The following DCHS1 variants were observed in gnomAD, a reference collection of about 807,000 sequenced individuals.
DCHS1 encodes the protein dachsous cadherin-related 1.
Under a neutral mutation model 213.9 loss-of-function variants are expected in DCHS1, and 78 were observed. That is an observed-to-expected ratio of 0.36 (90% confidence interval 0.30 to 0.44). DCHS1 has a LOEUF of 0.44. DCHS1 is among the 20% of genes least tolerant of loss of function. The pLI is 1.00. For synonymous variants in DCHS1, 1,828 were observed against 1,873.7 expected, an observed-to-expected ratio of 0.98 and a Z score of 0.63; for missense variants, 3,946 against 4,395.9, an observed-to-expected ratio of 0.90 and a Z score of 2.89.
At position 6,621,395 on chromosome 11, in the gene DCHS1, G is replaced by A. The variant is rs1855682111; in HGVS notation, c.*384C>T. ...CACTTGGTTCTGGGCAGGGGCAGGG[G>A]CAGGGGTGTCAGTGGAACCCAAAGG... On this transcript the variant is annotated 3_prime_UTR_variant, in exon 21 of 21. Transcript: ENST00000299441. The A allele has an allele frequency of 2.7e-6, 1 of 369,806 alleles. No individual in the cohort carries two copies. Among genetic ancestry groups the A allele is most frequent in the Admixed American group, 3.8e-5 (1 of 26,302 alleles). The allele number at this position is 369,806 out of a possible 1,614,324, so 22.9% of individuals were successfully genotyped here.
chr11:6,628,673 C>A lies in DCHS1; in HGVS notation c.5319G>T (p.Arg1773=), dbSNP rs1466835776. 6.2e-6 allele frequency: 10 copies of A among 1,613,874 alleles called. No homozygotes were observed. The South Asian group carries it at 1.1e-4, about 18-fold the overall frequency. Residue 1773 remains arginine (R), a synonymous_variant, in exon 13 of 21, where the codon CGG becomes CGT. Transcript: ENST00000299441. The surrounding 1 kb of genome is among the most constrained non-coding windows in gnomAD (Gnocchi z 4.3). ...GQDPQTLTML[R]ASDPDVGANG... ...TGGCTCCCACATCTGGATCAGAGGCCCGAAGCATGGTAAGGGTCTGGGGGT... is the reference window on the plus strand; with the variant it reads ...TGGCTCCCACATCTGGATCAGAGGCACGAAGCATGGTAAGGGTCTGGGGGT...
chr11:6,633,775 G>A lies in DCHS1; in HGVS notation c.2218+14C>T, dbSNP rs559484041. 1.9e-6 allele frequency: 3 copies of A among 1,610,048 alleles called. No individual in the cohort carries two copies. The highest frequency in any genetic ancestry group is 2.2e-5 in the East Asian group (1 of 44,846). ...GGACCTGGGGGAAGGCCCCGGGAAT[G>A]GGAGGATCCTCACCTGATTGCTCAT... is the stretch of plus-strand genomic sequence containing the variant. On this transcript the variant is annotated intron_variant, in intron 4 of 20. Coordinates refer to ENST00000299441, the MANE Select transcript of DCHS1 (RefSeq NM_003737.4).
intron 1 of DCHS1, among the ~76,000 whole-genome samples, chr11:6,650,548 G>A (rs1589964463): frequency 1.3e-5 from 2 of 152,314 alleles, no homozygotes; most frequent in Middle Eastern, 6.8e-3. Context: ...TGACAGGCAG[G>A]AGAGGGAAGA....
Position 6,631,412 on chromosome 11 carries a change from G to T in DCHS1, c.3676-5C>A, listed in dbSNP as rs747703241. 4.3e-6 allele frequency: 7 copies of T among 1,613,754 alleles called. No homozygotes were observed. In the South Asian group the frequency reaches 7.7e-5, roughly 18 times the overall value. On this transcript the variant is annotated splice_polypyrimidine_tract_variant and splice_region_variant and intron_variant, in intron 7 of 20. Coordinates refer to ENST00000299441, the MANE Select transcript of DCHS1 (RefSeq NM_003737.4). Reference sequence around the variant, plus strand: ...CGGAGGCACGCGGTCTGGTACCTGTGGGAACACAACTCACCTAGTGAGTCT... The same window carrying T: ...CGGAGGCACGCGGTCTGGTACCTGTTGGAACACAACTCACCTAGTGAGTCT...
Position 6,632,242 on chromosome 11 carries a change from G to T in DCHS1, c.3270C>A (p.Thr1090=), listed in dbSNP as rs758991950. 11 of 1,613,648 alleles carry T rather than the reference G, an allele frequency of 6.8e-6. No individual in the cohort carries two copies. The highest frequency in any genetic ancestry group is 9.3e-6 in the Non-Finnish European group (11 of 1,179,756). The change falls in exon 6 of 21, where the codon ACC becomes ACA. Residue 1090 remains threonine, a synonymous_variant. Transcript: ENST00000299441. The surrounding 1 kb of genome is among the most constrained non-coding windows in gnomAD (Gnocchi z 5.9). ...AELGQQTGTA[T]VRVSILNQNE... is the part of the protein sequence containing the mutation. ...TCTGGTTGAGGATGCTGACCCTCAC[G>T]GTGGCTGTGCCTGTCTGCTGCCCCA...
Position 6,627,338 on chromosome 11 carries a change from C to G in DCHS1, c.5701G>C (p.Ala1901Pro). ...CCAGAGCTGGGCTCCAGCAGGAAGG[C>G]TCCTGCTGTACCGGCGCCCAGGTAG... Reference protein sequence around the residue: ...TYYLGAGTAGAFLLEPSSGEL... With the variant: ...TYYLGAGTAGPFLLEPSSGEL... The change falls in exon 14 of 21, where the codon GCC (alanine) becomes CCC (proline). Residue 1901 changes from alanine (A) to proline (P), a missense_variant. Transcript: ENST00000299441. The surrounding 1 kb of genome is among the most constrained non-coding windows in gnomAD (Gnocchi z 5.4). 6.2e-7 allele frequency: 1 copy of G among 1,609,496 alleles called. No individual in the cohort carries two copies. The highest frequency in any genetic ancestry group is 8.5e-7 in the Non-Finnish European group (1 of 1,177,976).
rs773919789 is a variant in DCHS1 at position 6,632,143 on chromosome 11, G to A, written c.3369C>T (p.Ser1123=). Reference sequence around the variant, plus strand: ...GGTCAGTGGCAAAGACTCGGCCCACGCTGGTCCCTGGGGGCTGGTTCTCAG... The same window carrying A: ...GGTCAGTGGCAAAGACTCGGCCCACACTGGTCCCTGGGGGCTGGTTCTCAG... The part of the protein sequence containing the change: ...AVAENQPPGT[S]VGRVFATDRD... The change falls in exon 6 of 21, where the codon AGC becomes AGT. Residue 1123 remains serine (S), a synonymous_variant. Transcript: ENST00000299441. This position sits in a 1 kb window ranked among gnomAD's most constrained non-coding sequence, Gnocchi z 5.9. The A allele has an allele frequency of 2.5e-5, 39 of 1,587,232 alleles. No homozygotes were observed. The highest frequency in any genetic ancestry group is 5.4e-5 in the African/African-American group (4 of 74,700).
At chr11:6,652,663 C>T (rs1589965180) in intron 1 of DCHS1, among the ~76,000 whole-genome samples, 1 of 152,088 alleles carries the variant, frequency 6.6e-6, no homozygotes, top group Admixed American at 6.5e-5. Context: ...GACAGCACTT[C>T]GTTCTTATAG....
At chr11:6,647,326 G>A (rs1442494629) in intron 1 of DCHS1, among the ~76,000 whole-genome samples, 2 of 152,124 alleles carry the variant, frequency 1.3e-5, no homozygotes, top group Admixed American at 6.5e-5. Flanking sequence ...CAGCCCCACC[G>A]GTGCGTGCTG....
rs1340563475 is a variant in DCHS1 at position 6,655,586 on chromosome 11, G to T, written c.-144C>A. 6.5e-5 allele frequency: 64 copies of T among 980,048 alleles called. No homozygotes were observed. Among genetic ancestry groups the T allele is most frequent in the Non-Finnish European group, 7.7e-5 (64 of 827,962 alleles). 60.7% of individuals were successfully genotyped at this position (980,048 alleles called of 1,614,324 possible). A position where few individuals can be genotyped will look rare whatever the true frequency, so the allele number is the denominator to read the frequency against. On this transcript the variant is annotated 5_prime_UTR_variant, in exon 1 of 21. Coordinates refer to ENST00000299441, the MANE Select transcript of DCHS1 (RefSeq NM_003737.4). ...ACCTCCGCGCGACGCGGGCTCCCTC[G>T]CCCGGTGCTGGGGCGCCGTCCGGCC...
intron 1 of DCHS1, among the ~76,000 whole-genome samples, chr11:6,644,614 T>C (rs1045451896): frequency 6.6e-6 from 1 of 152,246 alleles, no homozygotes; most frequent in Non-Finnish European, 1.5e-5. Context: ...TGGAGACTCC[T>C]TGAGGGCAGT....
rs952874718 is a variant in DCHS1, at chr11:6,622,090, C to T, written c.9586G>A (p.Ala3196Thr). 1.2e-6 allele frequency: 2 copies of T among 1,612,992 alleles called. No individual in the cohort carries two copies. The highest frequency in any genetic ancestry group is 8.5e-7 in the Non-Finnish European group (1 of 1,179,748). Residue 3196 changes from alanine to threonine, a missense_variant, in exon 21 of 21, where the codon GCT becomes ACT. Ala to Thr is a moderately conservative substitution (Grantham distance 58, BLOSUM62 0). This residue lies in a region of DCHS1 where 554 missense variants were observed against 590.2 expected (regional missense o/e 0.94). Coordinates refer to ENST00000299441, the MANE Select transcript of DCHS1 (RefSeq NM_003737.4). The surrounding 1 kb of genome is among the most constrained non-coding windows in gnomAD (Gnocchi z 5.4). ...LKDEARPCPP[A>T]PRIDPPPLIT... ...AGGGGTGGTGGGTCGATACGGGGAG[C>T]TGGGGGACATGGCCGAGCTTCATCC...
chr11:6,641,862 T>C lies in DCHS1; in HGVS notation c.-120-129A>G. ...AGGCCCTTGTGCTGCCTCACACTCA[T>C]CTTGGGCCACACGGATCTCTGCCTC... On this transcript the variant is annotated intron_variant, in intron 1 of 20. Coordinates refer to ENST00000299441, the MANE Select transcript of DCHS1 (RefSeq NM_003737.4). This position sits in a 1 kb window ranked among gnomAD's most constrained non-coding sequence, Gnocchi z 7.1. 1 of 768,090 alleles carries C rather than the reference T, an allele frequency of 1.3e-6. No individual in the cohort carries two copies. The highest frequency in any genetic ancestry group is 2.0e-6 in the Non-Finnish European group (1 of 511,858). 47.6% of individuals were successfully genotyped at this position (768,090 alleles called of 1,614,324 possible). A position where few individuals can be genotyped will look rare whatever the true frequency, so the allele number is the denominator to read the frequency against.
rs374664957 is a variant in DCHS1, at chr11:6,629,888, A to G, written c.4819T>C (p.Leu1607=). Residue 1607 remains leucine (L), a synonymous_variant, in exon 11 of 21, where the codon TTG becomes CTG. Transcript: ENST00000299441. ...STGALSVVRP[L]DREQRAEHVL... ...TGCTCAGCTCGTTGTTCGCGGTCCA[A>G]CGGCCGCACCACGGACAGCGCTCCT... 44 of 1,612,584 alleles carry G rather than the reference A, an allele frequency of 2.7e-5. No individual in the cohort carries two copies. The highest frequency in any genetic ancestry group is 2.7e-4 in the African/African-American group (20 of 74,934).
Position 6,626,912 on chromosome 11 carries a change from G to A in DCHS1, c.6127C>T (p.Leu2043Phe). Residue 2043 changes from leucine (L) to phenylalanine (F), a missense_variant, in exon 14 of 21, where the codon CTT (leucine) becomes TTT (phenylalanine). Physicochemically the swap from Leu to Phe is conservative, Grantham distance 22. This residue lies in a region of DCHS1 where 3,384 missense variants were observed against 3,780.1 expected (regional missense o/e 0.90). Coordinates refer to ENST00000299441, the MANE Select transcript of DCHS1 (RefSeq NM_003737.4). This position sits in a 1 kb window ranked among gnomAD's most constrained non-coding sequence, Gnocchi z 5.2. ...DRVLFIVATD[L>F]GRPARSATGV... ...GTGGCAGAGCGAGCTGGACGGCCAA[G>A]ATCAGTGGCCACAATGAAGAGGACA... is the stretch of plus-strand genomic sequence containing the variant. 6.2e-7 allele frequency: 1 copy of A among 1,613,668 alleles called. No individual in the cohort carries two copies. The highest frequency in any genetic ancestry group is 8.5e-7 in the Non-Finnish European group (1 of 1,179,890).
chr11:6,626,274 C>T lies in DCHS1; in HGVS notation c.6471G>A (p.Leu2157=). 2 of 1,613,182 alleles carry T rather than the reference C, an allele frequency of 1.2e-6. No homozygotes were observed. The highest frequency in any genetic ancestry group is 1.7e-6 in the Non-Finnish European group (2 of 1,179,552). The part of the protein sequence containing the change: ...ESGGAFAFTV[L]TLTLQDANDN... ...CGTTGGCATCTTGCAGGGTCAGGGTCAGCACAGTGAAGGCAAAGGCTCCTC... is the reference window on the plus strand; with the variant it reads ...CGTTGGCATCTTGCAGGGTCAGGGTTAGCACAGTGAAGGCAAAGGCTCCTC... The change falls in exon 16 of 21, where the codon CTG becomes CTA. Residue 2157 remains leucine, a synonymous_variant. Coordinates refer to ENST00000299441, the MANE Select transcript of DCHS1 (RefSeq NM_003737.4). This position sits in a 1 kb window ranked among gnomAD's most constrained non-coding sequence, Gnocchi z 5.2.
chr11:6,632,849 T>C lies in DCHS1; in HGVS notation c.2663A>G (p.Asn888Ser). The change falls in exon 6 of 21, where the codon AAT (asparagine) becomes AGT (serine). Residue 888 changes from asparagine (N) to serine (S), a missense_variant. Asn to Ser is a conservative substitution (Grantham distance 46). Around this residue, in one of 3 missense-constraint regions of DCHS1, gnomAD observed 3,384 missense variants for 3,780.1 expected, o/e 0.90. Transcript: ENST00000299441. This position sits in a 1 kb window ranked among gnomAD's most constrained non-coding sequence, Gnocchi z 5.9. The stretch of plus-strand genomic sequence containing the variant: ...TGCAGGAAAGGCAGGGGAGTTGTCA[T>C]TCACATCATCCAGCAGCACACGCAC... ...ARVRVLLDDV[N>S]DNSPAFPAPE... is the part of the protein sequence containing the mutation. 6.2e-7 allele frequency: 1 copy of C among 1,613,974 alleles called. No individual in the cohort carries two copies. Among genetic ancestry groups the C allele is most frequent in the Non-Finnish European group, 8.5e-7 (1 of 1,179,876 alleles).
At chr11:6,655,539 G>A in intron 1 of DCHS1, 24 bp downstream of exon 1, 1 of 980,676 alleles carries the variant, frequency 1.0e-6, no homozygotes, top group Non-Finnish European at 1.2e-6. Context: ...CGGCCAGACG[G>A]GCCGGGCGGG....
chr11:6,637,971 T>C (rs58439812), intron 2 of DCHS1, among the ~76,000 whole-genome samples: 16,926 of 152,118 alleles, frequency 0.11, 2,117 homozygotes, highest in African/African-American at 0.31. Flanking sequence ...CGATTCTCTA[T>C]GGTTACTAAT....
Sources: allele counts gnomAD v4.1 joint callset (sites outside exome capture counted in the v4.1 genomes callset), GRCh38; gene constraint gnomAD v4.1.1; regional missense constraint gnomAD v4.1.1; non-coding constraint Gnocchi (gnomAD v3.1); transcripts MANE v1.5; gene names NCBI Gene and HGNC (gene_info 2026-07-23, HGNC 2026-07-21).